KLF17: variants seen among roughly 807,000 people sequenced by gnomAD.
The protein encoded by KLF17 is Krueppel-like factor 17.
A neutral mutation model predicts 34.2 loss-of-function variants in KLF17; 31 were observed. The ratio of observed to expected loss-of-function variants is 0.91; its 90% confidence interval spans 0.68 to 1.22. KLF17 has a LOEUF of 1.22. Ranked by LOEUF, KLF17 falls within the 50% of genes most tolerant of loss-of-function variation. The pLI is 0.00. For missense variants in KLF17, 478 were observed against 505.2 expected, an observed-to-expected ratio of 0.95 and a Z score of 0.52; for synonymous variants, 179 against 186.7, an observed-to-expected ratio of 0.96 and a Z score of 0.34.
intron 1 of KLF17, among the ~76,000 whole-genome samples, chr1:44,119,334 AC>A (rs1178391410): frequency 2.6e-5 from 4 of 151,716 alleles, no homozygotes; most frequent in Non-Finnish European, 4.4e-5. Flanking sequence ...GTTCTAGGCA[AC>A]TTTCTGGTGA....
the KLF17 span, among the ~76,000 whole-genome samples, chr1:44,073,891 T>G: frequency 6.6e-6 from 1 of 152,206 alleles, no homozygotes; most frequent in South Asian, 2.1e-4. Context: ...CTCATTATAA[T>G]ATAACAAATT....
the KLF17 span, among the ~76,000 whole-genome samples, chr1:44,095,811 G>T: frequency 1.3e-4 from 20 of 149,352 alleles, no homozygotes; most frequent in African/African-American, 2.7e-4. Context: ...CTTTCTTGGG[G>T]TTTTTTTTTC....
chr1:44,060,208 A>T, the KLF17 span, among the ~76,000 whole-genome samples: 1 of 152,086 alleles, frequency 6.6e-6, no homozygotes, highest in Non-Finnish European at 1.5e-5. Flanking sequence ...GGTGACTCAC[A>T]CTTGTAATCC....
chr1:44,099,581 G>A, the KLF17 span, among the ~76,000 whole-genome samples: 437 of 149,930 alleles, frequency 2.9e-3, 2 homozygotes, highest in African/African-American at 0.01. Context: ...GGCCAAGGCG[G>A]GTGAATCAGG....
At chr1:44,080,987 T>C in the KLF17 span, among the ~76,000 whole-genome samples, 2 of 151,960 alleles carry the variant, frequency 1.3e-5, no homozygotes, top group Non-Finnish European at 2.9e-5. Context: ...AGTGTTGGGA[T>C]TATGGGCAGA....
chr1:44,084,617 C>CT, the KLF17 span, among the ~76,000 whole-genome samples: 1 of 151,096 alleles, frequency 6.6e-6, no homozygotes, highest in African/African-American at 2.4e-5. Flanking sequence ...GAGGTCAAGA[C>CT]TGCAGCTTGC....
chr1:44,060,228 A>G, the KLF17 span, among the ~76,000 whole-genome samples: 19 of 152,084 alleles, frequency 1.2e-4, no homozygotes, highest in Non-Finnish European at 2.4e-4. Flanking sequence ...CCAGCACTTT[A>G]GGAGGCCAAG....
chr1:44,078,772 A>C, the KLF17 span, among the ~76,000 whole-genome samples: 22 of 152,068 alleles, frequency 1.4e-4, no homozygotes, highest in African/African-American at 5.1e-4. Context: ...GGATGCCAGC[A>C]GGCAGCTTCC....
chr1:44,127,646 C>CTTTTCTTTTCTTTTCT (rs879540008), intron 1 of KLF17, among the ~76,000 whole-genome samples: 4 of 56,224 alleles, frequency 7.1e-5, no homozygotes, highest in African/African-American at 3.2e-4. Context: ...TTCCTTCTTT[C>CTTTTCTTTTCTTTTCT]TTTCTTTCTT....
chr1:44,051,368 A>G, the KLF17 span: 1 of 152,226 alleles, frequency 6.6e-6, no homozygotes, highest in Non-Finnish European at 1.5e-5. Context: ...CTGGTGGGTT[A>G]TCAGTCCTCA....
chr1:44,111,059 T>C, the KLF17 span, among the ~76,000 whole-genome samples: 1 of 152,194 alleles, frequency 6.6e-6, no homozygotes, highest in Non-Finnish European at 1.5e-5. Context: ...TGACCATGGC[T>C]CACTGCAGCC....
the KLF17 span, among the ~76,000 whole-genome samples, chr1:44,077,879 C>A: frequency 6.6e-6 from 1 of 152,144 alleles, no homozygotes; most frequent in East Asian, 1.9e-4. Context: ...GGTCTTTTGT[C>A]TCAGTGGAGG....
At chr1:44,104,103 A>G in the KLF17 span, 1 of 968,878 alleles carries the variant, frequency 1.0e-6, no homozygotes, top group Non-Finnish European at 1.7e-6. Flanking sequence ...CAGCCGCCTG[A>G]GGAAGTTGAT....
At chr1:44,070,591 T>C in the KLF17 span, among the ~76,000 whole-genome samples, 15 of 64,602 alleles carry the variant, frequency 2.3e-4, 1 homozygote, top group Admixed American at 2.1e-3. Flanking sequence ...TTCCCTTGTC[T>C]TTTTTTTTTT....
the KLF17 span, chr1:44,048,284 C>T: frequency 2.2e-4 from 33 of 152,304 alleles, no homozygotes; most frequent in African/African-American, 6.0e-4. Context: ...GAACTGGATT[C>T]GTGCCTGGGG....
At chr1:44,107,433 C>A in the KLF17 span, among the ~76,000 whole-genome samples, 1 of 152,148 alleles carries the variant, frequency 6.6e-6, no homozygotes, top group Non-Finnish European at 1.5e-5. Context: ...TACAGTAGTC[C>A]CTCCTCCTGT....
the KLF17 span, among the ~76,000 whole-genome samples, chr1:44,058,470 T>C: frequency 6.6e-6 from 1 of 151,980 alleles, no homozygotes; most frequent in Admixed American, 6.6e-5. Flanking sequence ...TTTGTATTTT[T>C]AGTAGAGATG....
the KLF17 span, among the ~76,000 whole-genome samples, chr1:44,072,952 A>G: frequency 3.3e-5 from 5 of 152,180 alleles, no homozygotes; most frequent in Non-Finnish European, 7.3e-5. Context: ...GTCAAAGATC[A>G]AGTAAGCAGA....
chr1:44,106,067 C>A, the KLF17 span, among the ~76,000 whole-genome samples: 1 of 151,926 alleles, frequency 6.6e-6, no homozygotes, highest in South Asian at 2.1e-4. Flanking sequence ...AGCAAGCCAT[C>A]CTGCCAGTTT....
Sources: gnomAD v4.1 joint callset for allele counts (sites outside exome capture counted in the v4.1 genomes callset) on GRCh38, gnomAD v4.1.1 for gene constraint, MANE v1.5 for transcripts, NCBI Gene and HGNC (gene_info 2026-07-23, HGNC 2026-07-21) for gene names.